GRHL3: variants seen among roughly 807,000 people sequenced by gnomAD.
GRHL3 encodes grainyhead-like protein 3 homolog.
A neutral mutation model predicts 70.3 loss-of-function variants in GRHL3; 20 were observed. The observed-to-expected ratio is 0.28, with a 90% CI of 0.20 to 0.41. The LOEUF (loss-of-function observed/expected upper bound fraction) is 0.41, where lower values mean the gene tolerates loss of function less well. GRHL3 is among the 10% of genes least tolerant of loss of function. GRHL3 has a pLI of 1.00. For synonymous variants in GRHL3, 299 were observed against 299.9 expected (o/e 1.00, Z 0.03); for missense variants, 637 against 762.3 (o/e 0.84, Z 1.94).
At chr1:24,331,884 C>A (rs927463779) in intron 2 of GRHL3, among the ~76,000 whole-genome samples, 1 of 152,302 alleles carries the variant, frequency 6.6e-6, no homozygotes. Context: ...GTCCTTGATG[C>A]CATCAAGAAT....
In GRHL3 at chr1:24,360,937, C is replaced by CAAA. The variant is rs773614850; in HGVS notation, c.1695-3248_1695-3247insAAA. The stretch of plus-strand genomic sequence containing the variant: ...TGATGCACTAGAGATGAAATGCTTG[C>CAAA]GGGGGCCTAAGTAGTCCACGATCTC... On this transcript the variant is annotated intron_variant, in intron 15 of 15. Transcript: ENST00000350501. The CAAA allele has an allele frequency of 2.5e-6, 4 of 1,613,838 alleles. No individual in the cohort carries two copies. In the African/African-American group the frequency reaches 5.3e-5, roughly 22 times the overall value.
In GRHL3 at chr1:24,350,039, A is replaced by T; in HGVS notation, c.1630-19A>T. The T allele has an allele frequency of 6.3e-7, 1 of 1,594,394 alleles. No individual in the cohort carries two copies. The highest frequency in any genetic ancestry group is 8.6e-7 in the Non-Finnish European group (1 of 1,163,092). ...TAGCGTGGGCAGCAGGCAATGAATC[A>T]CCTGTCTTTTCCTTCCAGATCTCTG... On this transcript the variant is annotated intron_variant, in intron 14 of 15. Transcript: ENST00000361548.
rs1421734235 is a variant in GRHL3 at position 24,355,196 on chromosome 1, A to G, written c.*708A>G. 6.6e-6 allele frequency: 1 copy of G among 152,340 alleles called. No individual in the cohort carries two copies. The highest frequency in any genetic ancestry group is 1.5e-5 in the Non-Finnish European group (1 of 67,958). 9.4% of individuals were successfully genotyped at this position (152,340 alleles called of 1,614,324 possible). On this transcript the variant is annotated 3_prime_UTR_variant, in exon 16 of 16. Transcript: ENST00000361548. Reference sequence around the variant, plus strand: ...TTATATTTTTCATGGATATGTTTTTATCATTTCAAAAAATGTGTATTTCAC... The same window carrying G: ...TTATATTTTTCATGGATATGTTTTTGTCATTTCAAAAAATGTGTATTTCAC...
At position 24,362,719 on chromosome 1, in the gene GRHL3, A is replaced by G. The variant is rs75449954; in HGVS notation, c.1695-1466A>G. Among the ~76,000 whole-genome samples the G allele has an allele frequency of 7.2e-5, 11 of 151,902 alleles. No homozygotes were observed. In the East Asian group the frequency reaches 2.1e-3, roughly 29 times the overall value. On this transcript the variant is annotated intron_variant, in intron 15 of 15. Coordinates refer to the GRHL3 transcript ENST00000350501. Reference sequence around the variant, plus strand: ...GACAGGGCCCTTCCACCCCAGAGTCATGCTGAGGCAGGGGACACCCCCCTG... The same window carrying G: ...GACAGGGCCCTTCCACCCCAGAGTCGTGCTGAGGCAGGGGACACCCCCCTG...
At chr1:24,358,452 C>A (rs746083290), downstream of GRHL3, 8 of 1,123,212 alleles carry the variant, frequency 7.1e-6, no homozygotes, top group South Asian at 1.2e-5. Context: ...AGCTGCCACA[C>A]TCATGATCGG....
chr1:24,342,795 G>T lies in GRHL3; in HGVS notation c.1285+23G>T, dbSNP rs373623222. The stretch of plus-strand genomic sequence containing the variant: ...GTGGTCAGTGGGGATCCAGGGCCTG[G>T]GTGGGCTCGGCTGGCGTGAAGGGGA... On this transcript the variant is annotated intron_variant, in intron 10 of 15. Coordinates refer to ENST00000361548, the MANE Select transcript of GRHL3 (RefSeq NM_198173.3). This position sits in a 1 kb window ranked among gnomAD's most constrained non-coding sequence, Gnocchi z 4.8. The T allele has an allele frequency of 9.3e-5, 150 of 1,613,886 alleles. No homozygotes were observed. Among genetic ancestry groups the T allele is most frequent in the Non-Finnish European group, 1.2e-4 (142 of 1,179,898 alleles).
Position 24,319,551 on chromosome 1 carries a change from G to A in GRHL3, c.-1G>A, listed in dbSNP as rs1470581274. On this transcript the variant is annotated 5_prime_UTR_variant, in exon 1 of 16. Transcript: ENST00000361548. ...GATCGTCGGAGCTTGGGAGCAGGAAGATGTCGAATGAACTTGAGTGAGTAA... is the reference window on the plus strand; with the variant it reads ...GATCGTCGGAGCTTGGGAGCAGGAAAATGTCGAATGAACTTGAGTGAGTAA... 1 of 1,613,902 alleles carries A rather than the reference G, an allele frequency of 6.2e-7. No individual in the cohort carries two copies. The highest frequency in any genetic ancestry group is 1.6e-4 in the Middle Eastern group (1 of 6,062).
chr1:24,338,188 G>A (rs1024974113), intron 7 of GRHL3, 85 bp downstream of exon 7: 5 of 881,822 alleles, frequency 5.7e-6, no homozygotes, highest in African/African-American at 5.1e-5. Flanking sequence ...ACTCACCCCT[G>A]TTTCCCTACC....
chr1:24,335,014 A>AAAAC (rs1639741042), intron 3 of GRHL3, among the ~76,000 whole-genome samples: 1 of 136,968 alleles, frequency 7.3e-6, no homozygotes, highest in Admixed American at 7.3e-5. Flanking sequence ...TCAGCTTGAA[A>AAAAC]ACACACACAC....
At chr1:24,359,464 C>A (rs541713244), downstream of GRHL3, among the ~76,000 whole-genome samples, 18 of 152,296 alleles carry the variant, frequency 1.2e-4, no homozygotes, top group South Asian at 3.5e-3. This position sits in a 1 kb window ranked among gnomAD's most constrained non-coding sequence, Gnocchi z 5.3. Context: ...CTAGATGAGC[C>A]CCAGATCAAA....
At chr1:24,341,441 C>T (rs756716549) in intron 8 of GRHL3, among the ~76,000 whole-genome samples, 2 of 152,186 alleles carry the variant, frequency 1.3e-5, no homozygotes, top group Admixed American at 6.5e-5. Context: ...GTGGGCGGCC[C>T]CTCCTCCAGG....
At chr1:24,336,216 T>G (rs543009918) in intron 3 of GRHL3, among the ~76,000 whole-genome samples, 56 of 135,102 alleles carry the variant, frequency 4.1e-4, no homozygotes, top group Middle Eastern at 3.8e-3. Context: ...ACTTTCAGGG[T>G]TTTTTTTTTT....
At chr1:24,337,052 T>A in intron 4 of GRHL3, 26 bp from the exon 5 acceptor site, 1 of 1,608,200 alleles carries the variant, frequency 6.2e-7, no homozygotes, top group Non-Finnish European at 8.5e-7. Context: ...GAGCATTTAT[T>A]CTCTTGGGGC....
In GRHL3 at chr1:24,355,311, TCA is replaced by T; in HGVS notation, c.*826_*827del. On this transcript the variant is annotated 3_prime_UTR_variant, in exon 16 of 16. Coordinates refer to ENST00000361548, the MANE Select transcript of GRHL3 (RefSeq NM_198173.3). The stretch of plus-strand genomic sequence containing the variant: ...AATAAAAATCTATCTATGTATTACG[TCA>T]CATTACTTCACATGCTGCTCTCGTT... 1 of 152,612 alleles carries T rather than the reference TCA, an allele frequency of 6.6e-6. No individual in the cohort carries two copies. Among genetic ancestry groups the T allele is most frequent in the Admixed American group, 6.5e-5 (1 of 15,276 alleles). 9.5% of individuals were successfully genotyped at this position (152,612 alleles called of 1,614,324 possible). A position where few individuals can be genotyped will look rare whatever the true frequency, so the allele number is the denominator to read the frequency against.
At chr1:24,320,736 C>T (rs1159483751) in intron 1 of GRHL3, among the ~76,000 whole-genome samples, 2 of 152,188 alleles carry the variant, frequency 1.3e-5, no homozygotes, top group Non-Finnish European at 2.9e-5. Flanking sequence ...TTAACAGGCA[C>T]ATTTCTTTTG....
At chr1:24,358,075 G>A, downstream of GRHL3, 1 of 388,154 alleles carries the variant, frequency 2.6e-6, no homozygotes, top group Non-Finnish European at 5.2e-6. Context: ...GGTCAGAAAG[G>A]GACAAATGAG....
chr1:24,364,309 C>G lies in GRHL3; in HGVS notation c.1819C>G (p.Leu607Val), dbSNP rs747321006. ...AGATGGATTTTGGAGGCAGAGGGAC[C>G]TGGATTCAAATCCCAGCCCCACCAC... Residue 607 changes from leucine (L) to valine (V), a missense_variant, in exon 16 of 16, where the codon CTG (leucine) becomes GTG (valine). Physicochemically the swap from Leu to Val is conservative, Grantham distance 32. Coordinates refer to the GRHL3 transcript ENST00000350501. 71 of 1,549,860 alleles carry G rather than the reference C, an allele frequency of 4.6e-5. No homozygotes were observed. In the South Asian group the frequency reaches 8.0e-4, roughly 17 times the overall value.
At chr1:24,352,089 G>A (rs1329907065) in intron 15 of GRHL3, among the ~76,000 whole-genome samples, 1 of 152,052 alleles carries the variant, frequency 6.6e-6, no homozygotes, top group African/African-American at 2.4e-5. Flanking sequence ...GCATCACTCA[G>A]CAGCCCTTCA....
rs112501160 is a variant in GRHL3 at position 24,362,485 on chromosome 1, G to A, written c.1695-1700G>A. Among the ~76,000 whole-genome samples the A allele has an allele frequency of 7.3e-4, 111 of 152,286 alleles. 2 individuals carry two copies. The highest frequency in any genetic ancestry group is 2.3e-3 in the African/African-American group (97 of 41,548). On this transcript the variant is annotated intron_variant, in intron 15 of 15. Transcript: ENST00000350501. ...GCCCCTGATTTCTCTATAGCTTAGCGTCAGTATACACAGCATTGCAAGGAA... is the reference window on the plus strand; with the variant it reads ...GCCCCTGATTTCTCTATAGCTTAGCATCAGTATACACAGCATTGCAAGGAA...
Sources: gnomAD v4.1 joint callset for allele counts (sites outside exome capture counted in the v4.1 genomes callset) on GRCh38, gnomAD v4.1.1 for gene constraint, Gnocchi (gnomAD v3.1) non-coding constraint, MANE v1.5 for transcripts, NCBI Gene and HGNC (gene_info 2026-07-23, HGNC 2026-07-21) for gene names.